The following TSPAN31 variants were observed in gnomAD, a reference collection of about 807,000 sequenced individuals.
TSPAN31 encodes tetraspanin-31.
A neutral mutation model predicts 24.8 loss-of-function variants in TSPAN31; 16 were observed. That is an observed-to-expected ratio of 0.64 (90% CI 0.44 to 0.98). The LOEUF is 0.98. Among genes scored for constraint, TSPAN31 ranks in the 50% least tolerant of loss-of-function variants. TSPAN31 has a pLI of 0.00. For synonymous variants in TSPAN31, 87 were observed against 91.4 expected (o/e 0.95, Z 0.27); for missense variants, 209 against 251.6 (o/e 0.83, Z 1.15).
At position 57,745,180 on chromosome 12, in the gene TSPAN31, C is replaced by A. The variant is rs143447057; in HGVS notation, c.26C>A (p.Ser9Tyr). Reference sequence around the variant, plus strand: ...ATGGTTTGTGGCGGCTTTGCCTGCTCCAAGAATGCGCTTTGCGCTCTCAAC... The same window carrying A: ...ATGGTTTGTGGCGGCTTTGCCTGCTACAAGAATGCGCTTTGCGCTCTCAAC... MVCGGFAC[S>Y]KNALCALNVV... The change falls in exon 1 of 6, where the codon TCC (serine) becomes TAC (tyrosine). Residue 9 changes from serine (S) to tyrosine (Y), a missense_variant. By Grantham distance (144) the Ser-to-Tyr change is moderately radical. Transcript: ENST00000257910. 6.2e-7 allele frequency: 1 copy of A among 1,606,222 alleles called. No individual in the cohort carries two copies. The highest frequency in any genetic ancestry group is 8.5e-7 in the Non-Finnish European group (1 of 1,176,552).
Position 57,746,194 on chromosome 12 carries a change from T to C in TSPAN31, c.250T>C (p.Leu84=). The change falls in exon 3 of 6, where the codon TTG becomes CTG. Residue 84 remains leucine (L), a synonymous_variant. Coordinates refer to ENST00000257910, the MANE Select transcript of TSPAN31 (RefSeq NM_005981.5). The stretch of plus-strand genomic sequence containing the variant: ...CTCTCAGTACATGATCATCCTTGGT[T>C]TGGTCTTCATCTTCCAATTTGTAAT... ...LLFFYMIILG[L]VFIFQFVISC... 6.2e-7 allele frequency: 1 copy of C among 1,614,184 alleles called. No homozygotes were observed. The highest frequency in any genetic ancestry group is 8.5e-7 in the Non-Finnish European group (1 of 1,179,984).
intron 3 of TSPAN31, 49 bp downstream of exon 3, chr12:57,746,305 C>T (rs1183014119): frequency 7.1e-6 from 11 of 1,547,784 alleles, no homozygotes; most frequent in Non-Finnish European, 9.8e-6. Context: ...AAATTTTCCT[C>T]TTAACCTCGA....
rs572043008 is a variant in TSPAN31, at chr12:57,749,002, A to G, written c.*1712A>G. 1.8e-5 allele frequency: 15 copies of G among 815,558 alleles called. No homozygotes were observed. The highest frequency in any genetic ancestry group is 1.7e-4 in the African/African-American group (10 of 58,084). 50.5% of individuals were successfully genotyped at this position (815,558 alleles called of 1,614,324 possible). On this transcript the variant is annotated 3_prime_UTR_variant, in exon 6 of 6. Transcript: ENST00000257910. ...ATTACAGGCGTGAGCCACCGTGCCC[A>G]GCCAGGATGGGTTCTCTTCTATATC...
rs1324120646 is a variant in TSPAN31 at position 57,749,471 on chromosome 12, C to G, written c.*2181C>G. 6.2e-7 allele frequency: 1 copy of G among 1,614,230 alleles called. No individual in the cohort carries two copies. The highest frequency in any genetic ancestry group is 1.1e-5 in the South Asian group (1 of 91,088). On this transcript the variant is annotated 3_prime_UTR_variant, in exon 6 of 6. Coordinates refer to ENST00000257910, the MANE Select transcript of TSPAN31 (RefSeq NM_005981.5). ...TCACTTACTCAAAGATTTTGCCCAACTGGTCGGCTTCAGAGTTTCCACAGA... is the reference window on the plus strand; with the variant it reads ...TCACTTACTCAAAGATTTTGCCCAAGTGGTCGGCTTCAGAGTTTCCACAGA...
rs786203856 is a variant in TSPAN31, at chr12:57,749,283, G to A, written c.*1993G>A. 1.2e-6 allele frequency: 2 copies of A among 1,614,208 alleles called. No individual in the cohort carries two copies. The highest frequency in any genetic ancestry group is 2.2e-5 in the East Asian group (1 of 44,878). ...GCTCCACGGGGCAGGGATACATCTC[G>A]AGGCCAGTCATCCTCTGGAGGCAGC... On this transcript the variant is annotated 3_prime_UTR_variant, in exon 6 of 6. Coordinates refer to ENST00000257910, the MANE Select transcript of TSPAN31 (RefSeq NM_005981.5).
Position 57,747,054 on chromosome 12 carries a change from G to A in TSPAN31, c.481G>A (p.Gly161Arg). 7 of 1,614,222 alleles carry A rather than the reference G, an allele frequency of 4.3e-6. No homozygotes were observed. The highest frequency in any genetic ancestry group is 5.1e-6 in the Non-Finnish European group (6 of 1,180,034). The change falls in exon 5 of 6, where the codon GGA becomes AGA. Residue 161 changes from glycine to arginine, a missense_variant. Physicochemically the swap from Gly to Arg is moderately radical, Grantham distance 125. Coordinates refer to ENST00000257910, the MANE Select transcript of TSPAN31 (RefSeq NM_005981.5). ...CCAGAGCCCCACATGCCAGATGTGT[G>A]GAGAAAAGTTTCTTAAGCATTCAGA... ...KSQSPTCQMCGEKFLKHSDEA... is the reference protein window; with the variant it reads ...KSQSPTCQMCREKFLKHSDEA...
chr12:57,748,114 C>T lies in TSPAN31; in HGVS notation c.*824C>T, dbSNP rs1955180479. 9.6e-6 allele frequency: 3 copies of T among 313,770 alleles called. No individual in the cohort carries two copies. The highest frequency in any genetic ancestry group is 1.8e-5 in the Non-Finnish European group (3 of 167,342). The allele number at this position is 313,770 out of a possible 1,614,324, so 19.4% of individuals were successfully genotyped here. A position where few individuals can be genotyped will look rare whatever the true frequency, so the allele number is the denominator to read the frequency against. On this transcript the variant is annotated 3_prime_UTR_variant, in exon 6 of 6. Coordinates refer to ENST00000257910, the MANE Select transcript of TSPAN31 (RefSeq NM_005981.5). The stretch of plus-strand genomic sequence containing the variant: ...TCAGTCAAGGGGCTCCACTGACTTC[C>T]TAGGCCCTGTAATTTAACCAGTCTT...
rs1225084059 is a variant in TSPAN31 at position 57,749,029 on chromosome 12, TTC to T, written c.*1743_*1744del. On this transcript the variant is annotated 3_prime_UTR_variant, in exon 6 of 6. Coordinates refer to ENST00000257910, the MANE Select transcript of TSPAN31 (RefSeq NM_005981.5). ...CCAGGATGGGTTCTCTTCTATATCCTTCTCTGTGGGTGGCTATTTGCAGCTGT... is the reference window on the plus strand; with the variant it reads ...CCAGGATGGGTTCTCTTCTATATCCTTCTGTGGGTGGCTATTTGCAGCTGT... 1 of 998,340 alleles carries T rather than the reference TTC, an allele frequency of 1.0e-6. No individual in the cohort carries two copies. The highest frequency in any genetic ancestry group is 1.6e-5 in the African/African-American group (1 of 62,608). 61.8% of individuals were successfully genotyped at this position (998,340 alleles called of 1,614,324 possible). A position where few individuals can be genotyped will look rare whatever the true frequency, so the allele number is the denominator to read the frequency against.
rs779820014 is a variant in TSPAN31 at position 57,747,166 on chromosome 12, T to C, written c.558+35T>C. On this transcript the variant is annotated intron_variant, in intron 5 of 5. Coordinates refer to ENST00000257910, the MANE Select transcript of TSPAN31 (RefSeq NM_005981.5). ...TCCAGTTCCCTCACACACATCCTTT[T>C]TGAGACTGAGAATTAATTGATACTT... The C allele has an allele frequency of 2.5e-6, 4 of 1,612,808 alleles. No individual in the cohort carries two copies. The East Asian group carries it at 6.7e-5, about 27-fold the overall frequency.
Position 57,747,271 on chromosome 12 carries a change from A to T in TSPAN31, c.614A>T (p.Asn205Ile), listed in dbSNP as rs1203654315. Reference sequence around the variant, plus strand: ...CGGAATCAGAAGGATCCTAGAGCCAACCCCAGTGCCTTTCTATGAGACTTT... The same window carrying T: ...CGGAATCAGAAGGATCCTAGAGCCATCCCCAGTGCCTTTCTATGAGACTTT... ...RFRNQKDPRA[N>I]PSAFL Residue 205 changes from asparagine to isoleucine, a missense_variant, in exon 6 of 6, where the codon AAC (asparagine) becomes ATC (isoleucine). Transcript: ENST00000257910. The T allele has an allele frequency of 5.6e-6, 9 of 1,613,972 alleles. No individual in the cohort carries two copies. The highest frequency in any genetic ancestry group is 7.6e-6 in the Non-Finnish European group (9 of 1,180,008).
In TSPAN31 at chr12:57,749,205, C is replaced by T. The variant is rs1193086731; in HGVS notation, c.*1915C>T. On this transcript the variant is annotated 3_prime_UTR_variant, in exon 6 of 6. Coordinates refer to ENST00000257910, the MANE Select transcript of TSPAN31 (RefSeq NM_005981.5). The stretch of plus-strand genomic sequence containing the variant: ...ACCAGCAGCAGCTGTGCTCCCGACT[C>T]CTCCATCTCAGGTACCACCGACTGC... 1.9e-6 allele frequency: 3 copies of T among 1,614,048 alleles called. No homozygotes were observed. Among genetic ancestry groups the T allele is most frequent in the Non-Finnish European group, 2.5e-6 (3 of 1,179,888 alleles).
rs1307304019 is a variant in TSPAN31, at chr12:57,748,555, A to G, written c.*1265A>G. The stretch of plus-strand genomic sequence containing the variant: ...CCGGATTACCTTCATCCTTATGTAG[A>G]TAAGAGTGCTGCAGAGCTCGAAAGG... On this transcript the variant is annotated 3_prime_UTR_variant, in exon 6 of 6. Transcript: ENST00000257910. The G allele has an allele frequency of 3.1e-6, 5 of 1,613,664 alleles. No homozygotes were observed. Among genetic ancestry groups the G allele is most frequent in the African/African-American group, 1.3e-5 (1 of 74,938 alleles).
intron 3 of TSPAN31, 107 bp from the exon 4 acceptor site, chr12:57,746,482 C>T (rs1339352425): frequency 9.3e-6 from 13 of 1,391,362 alleles, no homozygotes; most frequent in Non-Finnish European, 1.0e-6. Flanking sequence ...TTGTTGCACA[C>T]CGTTATGCTT....
At chr12:57,745,411 G>A (rs1955135054) in intron 1 of TSPAN31, 194 bp downstream of exon 1, 1 of 649,730 alleles carries the variant, frequency 1.5e-6, no homozygotes, top group Non-Finnish European at 2.6e-6. Flanking sequence ...TTTGTCTGAG[G>A]GTGGGGGAAT....
chr12:57,745,115 C>T lies in TSPAN31; in HGVS notation c.-40C>T. 2 of 1,566,798 alleles carry T rather than the reference C, an allele frequency of 1.3e-6. No individual in the cohort carries two copies. The highest frequency in any genetic ancestry group is 1.7e-6 in the Non-Finnish European group (2 of 1,153,198). ...GAAGACGGTCCCCAATACCCTCCCC[C>T]CAAGTCCTTGGGACCACTTGGGTCC... On this transcript the variant is annotated 5_prime_UTR_variant, in exon 1 of 6. Coordinates refer to ENST00000257910, the MANE Select transcript of TSPAN31 (RefSeq NM_005981.5).
rs1381537920 is a variant in TSPAN31 at position 57,748,092 on chromosome 12, G to T, written c.*802G>T. 3.5e-6 allele frequency: 1 copy of T among 282,182 alleles called. No homozygotes were observed. 17.5% of individuals were successfully genotyped at this position (282,182 alleles called of 1,614,324 possible). Reference sequence around the variant, plus strand: ...TTCAGTTCCTTTCTAAGCTTTGTCAGTCAAGGGGCTCCACTGACTTCCTAG... The same window carrying T: ...TTCAGTTCCTTTCTAAGCTTTGTCATTCAAGGGGCTCCACTGACTTCCTAG... On this transcript the variant is annotated 3_prime_UTR_variant, in exon 6 of 6. Coordinates refer to ENST00000257910, the MANE Select transcript of TSPAN31 (RefSeq NM_005981.5).
At chr12:57,746,277 G>A in intron 3 of TSPAN31, 21 bp downstream of exon 3, 1 of 1,605,482 alleles carries the variant, frequency 6.2e-7, no homozygotes, top group Non-Finnish European at 8.5e-7. Flanking sequence ...ACCCTTTCAA[G>A]TACTTACTTG....
chr12:57,747,021 T>A lies in TSPAN31; in HGVS notation c.448T>A (p.Cys150Ser). ...ATTCTTCACGTTTTATCCTCAGATC[T>A]GCAAGAGCCAGAGCCCCACATGCCA... ...QQDYDFCTAICKSQSPTCQMC... is the reference protein window; with the variant it reads ...QQDYDFCTAISKSQSPTCQMC... Residue 150 changes from cysteine to serine, a missense_variant, in exon 5 of 6, where the codon TGC becomes AGC. Cys to Ser is a moderately radical substitution (Grantham distance 112, BLOSUM62 -1). Transcript: ENST00000257910. 1 of 1,613,878 alleles carries A rather than the reference T, an allele frequency of 6.2e-7. No homozygotes were observed. The highest frequency in any genetic ancestry group is 8.5e-7 in the Non-Finnish European group (1 of 1,179,808).
At position 57,749,387 on chromosome 12, in the gene TSPAN31, C is replaced by T. The variant is rs2140383495; in HGVS notation, c.*2097C>T. 1 of 1,612,660 alleles carries T rather than the reference C, an allele frequency of 6.2e-7. No homozygotes were observed. Among genetic ancestry groups the T allele is most frequent in the Admixed American group, 1.7e-5 (1 of 60,006 alleles). On this transcript the variant is annotated 3_prime_UTR_variant, in exon 6 of 6. Transcript: ENST00000257910. ...CCATCCCCATGGGCAGAGCCAGTTG[C>T]CATCCTGGGTTCAGCAGAAAGAGGA...
Sources: gnomAD v4.1 joint callset for allele counts on GRCh38, gnomAD v4.1.1 for gene constraint, MANE v1.5 for transcripts, NCBI Gene and HGNC (gene_info 2026-07-23, HGNC 2026-07-21) for gene names.